EVA1C: variants seen among roughly 807,000 people sequenced by gnomAD.
EVA1C encodes eva-1 homolog C, also known as protein eva-1 homolog C.
EVA1C carries 25 observed loss-of-function variants against 45.4 expected under a neutral mutation model. The observed-to-expected ratio is 0.55, with a 90% CI of 0.40 to 0.77. The LOEUF is 0.77. EVA1C is among the 30% of genes least tolerant of loss of function. EVA1C has a pLI of 0.00. For missense variants in EVA1C, 479 were observed against 554.8 expected, an observed-to-expected ratio of 0.86 and a Z score of 1.37; for synonymous variants, 190 against 221.2, an observed-to-expected ratio of 0.86 and a Z score of 1.25.
intron 2 of EVA1C, among the ~76,000 whole-genome samples, chr21:32,456,083 G>C (rs1305587045): frequency 6.6e-6 from 1 of 152,122 alleles, no homozygotes; most frequent in African/African-American, 2.4e-5. Flanking sequence ...GTAGAGACAG[G>C]GTTTCACTGT....
intron 1 of EVA1C, among the ~76,000 whole-genome samples, chr21:32,446,242 A>G (rs574501446): frequency 6.6e-6 from 1 of 152,162 alleles, no homozygotes; most frequent in South Asian, 2.1e-4. Flanking sequence ...GAAAAAAAAA[A>G]AGAGTCCACA....
rs189376620 is a variant in EVA1C, at chr21:32,461,087, T to G, written c.481+3367T>G. 8.0e-5 allele frequency among the ~76,000 whole-genome samples: 12 copies of G among 150,838 alleles called. No individual in the cohort carries two copies. In the East Asian group the frequency reaches 2.1e-3, roughly 27 times the overall value. On this transcript the variant is annotated intron_variant, in intron 3 of 7. Coordinates refer to ENST00000300255, the MANE Select transcript of EVA1C (RefSeq NM_058187.5). The stretch of plus-strand genomic sequence containing the variant: ...CCTTGACTAGGGGTTCAGTGGAGTC[T>G]TTTTGGAGCAAGTGATGATGGAGCT...
intron 2 of EVA1C, among the ~76,000 whole-genome samples, chr21:32,456,985 A>T (rs2035804678): frequency 6.6e-6 from 1 of 152,250 alleles, no homozygotes. Context: ...TGTTCCACTA[A>T]GAAAACTGCT....
At chr21:32,446,773 C>T (rs2146222304) in intron 1 of EVA1C, among the ~76,000 whole-genome samples, 1 of 152,318 alleles carries the variant, frequency 6.6e-6, no homozygotes, top group East Asian at 1.9e-4. Flanking sequence ...ACTCTCAGTC[C>T]TGGCATCCTT....
intron 7 of EVA1C, among the ~76,000 whole-genome samples, chr21:32,511,752 T>C (rs1445139758): frequency 1.3e-5 from 2 of 152,202 alleles, no homozygotes; most frequent in African/African-American, 4.8e-5. Flanking sequence ...GCAGTAGTTC[T>C]GAAAATTGAA....
intron 4 of EVA1C, among the ~76,000 whole-genome samples, chr21:32,478,259 C>A (rs1232204280): frequency 3.3e-5 from 5 of 151,990 alleles, no homozygotes; most frequent in Non-Finnish European, 5.9e-5. Flanking sequence ...CACTCTGTCG[C>A]CCAGGCTGGA....
chr21:32,493,913 C>A (rs1168008613), intron 4 of EVA1C, among the ~76,000 whole-genome samples: 1 of 152,034 alleles, frequency 6.6e-6, no homozygotes, highest in African/African-American at 2.4e-5. Flanking sequence ...AATTCTTGTG[C>A]CTCAGCCTCC....
At chr21:32,442,232 C>A (rs994803166) in intron 1 of EVA1C, among the ~76,000 whole-genome samples, 1 of 152,208 alleles carries the variant, frequency 6.6e-6, no homozygotes, top group Non-Finnish European at 1.5e-5. Flanking sequence ...GTTGTCATAG[C>A]TATCCTTGGT....
intron 1 of EVA1C, among the ~76,000 whole-genome samples, chr21:32,422,966 G>A (rs546574848): frequency 1.2e-3 from 186 of 150,566 alleles, no homozygotes; most frequent in Non-Finnish European, 2.0e-3. Context: ...AGCTACTCAC[G>A]AGGCTGAGGC....
intron 1 of EVA1C, among the ~76,000 whole-genome samples, chr21:32,421,935 G>A (rs538271909): frequency 4.0e-5 from 6 of 151,552 alleles, no homozygotes; most frequent in Admixed American, 4.0e-4. Context: ...ATCCCAGCTA[G>A]TTGGAAGGCT....
intron 5 of EVA1C, among the ~76,000 whole-genome samples, 177 bp downstream of exon 5, chr21:32,495,347 A>G (rs1215714067): frequency 6.6e-6 from 1 of 152,060 alleles, no homozygotes; most frequent in Non-Finnish European, 1.5e-5. Context: ...TGTTTATGAT[A>G]TTCATGTCAG....
intron 1 of EVA1C, among the ~76,000 whole-genome samples, chr21:32,435,128 T>C (rs1168732493): frequency 6.6e-6 from 1 of 152,074 alleles, no homozygotes; most frequent in African/African-American, 2.4e-5. Flanking sequence ...TCACCTTTGC[T>C]CTCCCCTTTC....
intron 1 of EVA1C, among the ~76,000 whole-genome samples, chr21:32,444,087 CACACAA>C (rs1174417248): frequency 4.7e-5 from 7 of 147,692 alleles, no homozygotes; most frequent in African/African-American, 1.5e-4. Flanking sequence ...CACACACACA[CACACAA>C]ACTCAAAGTA....
intron 4 of EVA1C, among the ~76,000 whole-genome samples, chr21:32,468,316 C>T (rs2036252168): frequency 6.6e-6 from 1 of 151,662 alleles, no homozygotes; most frequent in African/African-American, 2.4e-5. Context: ...TTGCAGTGAG[C>T]CGAGATCGTG....
chr21:32,509,421 T>C (rs557385878), intron 7 of EVA1C, among the ~76,000 whole-genome samples: 1 of 152,184 alleles, frequency 6.6e-6, no homozygotes, highest in South Asian at 2.1e-4. Flanking sequence ...AGAGAAGCTC[T>C]CCTGGCAGGA....
intron 4 of EVA1C, among the ~76,000 whole-genome samples, chr21:32,490,762 T>C (rs1157664898): frequency 1.3e-5 from 2 of 152,192 alleles, no homozygotes; most frequent in Non-Finnish European, 2.9e-5. Context: ...CATGCACTCA[T>C]GTACCTCACT....
intron 2 of EVA1C, among the ~76,000 whole-genome samples, chr21:32,456,687 C>CT (rs888735759): frequency 1.3e-4 from 20 of 151,670 alleles, no homozygotes; most frequent in East Asian, 5.8e-4. Flanking sequence ...TTCTTGGGAA[C>CT]TTTTTTTTTA....
At chr21:32,427,217 G>A (rs1392106795) in intron 1 of EVA1C, among the ~76,000 whole-genome samples, 1 of 152,162 alleles carries the variant, frequency 6.6e-6, no homozygotes, top group Non-Finnish European at 1.5e-5. Flanking sequence ...GATTACTGTG[G>A]CTCTTAAATG....
At chr21:32,451,773 CCT>C (rs1408389540) in intron 1 of EVA1C, among the ~76,000 whole-genome samples, 4 of 152,142 alleles carry the variant, frequency 2.6e-5, no homozygotes, top group African/African-American at 9.7e-5. Flanking sequence ...GGCTGTCTTC[CCT>C]CTGTGTCTCT....
Sources: allele counts gnomAD v4.1 joint callset (sites outside exome capture counted in the v4.1 genomes callset), GRCh38; gene constraint gnomAD v4.1.1; transcripts MANE v1.5; gene names NCBI Gene and HGNC (gene_info 2026-07-23, HGNC 2026-07-21).